Variants in WDPCP observed in about 807,000 individuals in gnomAD.
WDPCP encodes the protein WD repeat containing planar cell polarity effector.
A neutral mutation model predicts 93.1 loss-of-function variants in WDPCP; 71 were observed. That is an observed-to-expected ratio of 0.76 (90% confidence interval 0.63 to 0.93). The LOEUF (loss-of-function observed/expected upper bound fraction) is 0.93, where lower values mean the gene tolerates loss of function less well. Ranked by LOEUF, WDPCP falls within the 40% of genes least tolerant of loss-of-function variation. The pLI is 0.00. For missense variants in WDPCP, 844 were observed against 887.4 expected, an observed-to-expected ratio of 0.95 and a Z score of 0.62; for synonymous variants, 315 against 315.0, an observed-to-expected ratio of 1.00 and a Z score of 0.00.
chr2:63,477,076 A>G (rs1488853416), intron 6 of WDPCP, among the ~76,000 whole-genome samples: 1 of 152,184 alleles, frequency 6.6e-6, no homozygotes, highest in Non-Finnish European at 1.5e-5. Context: ...AATTTAATCC[A>G]AAATGAACAT....
intron 14 of WDPCP, among the ~76,000 whole-genome samples, chr2:63,231,833 T>C (rs1485746534): frequency 6.6e-6 from 1 of 152,162 alleles, no homozygotes; most frequent in African/African-American, 2.4e-5. Flanking sequence ...AAAACTACTT[T>C]AAAGTTCATA....
intron 14 of WDPCP, among the ~76,000 whole-genome samples, chr2:63,207,380 C>A (rs896047898): frequency 1.3e-5 from 2 of 152,268 alleles, no homozygotes; most frequent in East Asian, 3.9e-4. Flanking sequence ...GCTTCCCCTT[C>A]ACCCTACCAC....
At chr2:63,676,528 C>CA (rs544733748) in intron 2 of WDPCP, among the ~76,000 whole-genome samples, 3 of 151,448 alleles carry the variant, frequency 2.0e-5, no homozygotes, top group Admixed American at 6.6e-5. Flanking sequence ...CCCCATAGTT[C>CA]AAAAAATCTC....
At chr2:63,493,608 G>A (rs1701027714) in intron 1 of WDPCP, among the ~76,000 whole-genome samples, 1 of 151,302 alleles carries the variant, frequency 6.6e-6, no homozygotes, top group South Asian at 2.1e-4. Flanking sequence ...CCCCTAGCAG[G>A]GGCTAGGGAT....
At chr2:63,752,529 A>C in intron 2 of WDPCP, 1 of 710,372 alleles carries the variant, frequency 1.4e-6, no homozygotes, top group Non-Finnish European at 2.5e-6. Context: ...AGCATTCCCC[A>C]TTGCTCAGAA....
intron 3 of WDPCP, chr2:63,595,626 A>AT: frequency 4.3e-6 from 3 of 692,172 alleles, no homozygotes; most frequent in East Asian, 2.7e-5. Context: ...TCATAAGAGG[A>AT]TTTTTTTATT....
chr2:63,804,345 G>A (rs1305354267), intron 2 of WDPCP, among the ~76,000 whole-genome samples: 4 of 150,856 alleles, frequency 2.7e-5, no homozygotes, highest in South Asian at 4.2e-4. Context: ...TGCGCCTCCC[G>A]GGTTCACGCC....
chr2:63,154,471 G>A (rs574933491), intron 15 of WDPCP, among the ~76,000 whole-genome samples: 2 of 152,212 alleles, frequency 1.3e-5, no homozygotes, highest in East Asian at 1.9e-4. Context: ...GTTGTTAAAC[G>A]TGTATCAATG....
At chr2:63,137,863 G>T (rs1053259943) in intron 17 of WDPCP, among the ~76,000 whole-genome samples, 4 of 152,096 alleles carry the variant, frequency 2.6e-5, no homozygotes, top group African/African-American at 9.7e-5. Flanking sequence ...TCAGATAGTT[G>T]TAGGTGTGCA....
At chr2:63,596,220 GATTA>G (rs1575721791) in intron 3 of WDPCP, among the ~76,000 whole-genome samples, 1 of 152,038 alleles carries the variant, frequency 6.6e-6, no homozygotes, top group Admixed American at 6.5e-5. Context: ...TTTTGGTAAG[GATTA>G]ATTAATGATA....
At chr2:63,781,656 T>C in intron 2 of WDPCP, among the ~76,000 whole-genome samples, 1 of 152,224 alleles carries the variant, frequency 6.6e-6, no homozygotes, top group East Asian at 1.9e-4. Context: ...ATCTGTGGGA[T>C]ATGTGCAACC....
intron 2 of WDPCP, among the ~76,000 whole-genome samples, chr2:63,665,617 T>C (rs1157793857): frequency 6.6e-6 from 1 of 152,114 alleles, no homozygotes; most frequent in African/African-American, 2.4e-5. Flanking sequence ...CCCATAGCAG[T>C]GGTCAACTGC....
intron 2 of WDPCP, among the ~76,000 whole-genome samples, chr2:63,764,414 G>C (rs971154114): frequency 3.9e-5 from 6 of 152,144 alleles, no homozygotes; most frequent in Non-Finnish European, 8.8e-5. Context: ...ACCTCCAGAT[G>C]GGCAGCAGGT....
At chr2:63,792,687 G>A (rs1670561828) in intron 2 of WDPCP, among the ~76,000 whole-genome samples, 1 of 152,114 alleles carries the variant, frequency 6.6e-6, no homozygotes, top group African/African-American at 2.4e-5. Flanking sequence ...CAACATGGCT[G>A]GAATACAGAC....
At chr2:63,749,093 C>A (rs916814207) in intron 2 of WDPCP, among the ~76,000 whole-genome samples, 16 of 152,154 alleles carry the variant, frequency 1.1e-4, no homozygotes, top group Admixed American at 3.3e-4. Context: ...TCTTTTTAGA[C>A]CTCAGGGACA....
intron 14 of WDPCP, among the ~76,000 whole-genome samples, chr2:63,216,152 T>A (rs1677317120): frequency 2.0e-5 from 3 of 152,200 alleles, no homozygotes; most frequent in Non-Finnish European, 4.4e-5. Context: ...AGTGTGGCAA[T>A]TCCTCAAGGA....
At chr2:63,389,172 G>A (rs1364964726) in intron 10 of WDPCP, among the ~76,000 whole-genome samples, 1 of 152,134 alleles carries the variant, frequency 6.6e-6, no homozygotes, top group African/African-American at 2.4e-5. Flanking sequence ...ACCCACAAAG[G>A]GAAGCTCATC....
At chr2:63,168,329 TG>T (rs1399701186) in intron 15 of WDPCP, among the ~76,000 whole-genome samples, 1 of 152,052 alleles carries the variant, frequency 6.6e-6, no homozygotes. Flanking sequence ...GTAATTAGTA[TG>T]GTTACTATTG....
At chr2:63,443,339 G>T (rs1308272004) in intron 6 of WDPCP, 1 of 152,114 alleles carries the variant, frequency 6.6e-6, no homozygotes, top group African/African-American at 2.4e-5. Flanking sequence ...AAGCAAGATG[G>T]CTAATAAAGA....
Sources: gnomAD v4.1 joint callset for allele counts (sites outside exome capture counted in the v4.1 genomes callset) on GRCh38, gnomAD v4.1.1 for gene constraint, MANE v1.5 for transcripts, NCBI Gene and HGNC (gene_info 2026-07-23, HGNC 2026-07-21) for gene names.